Variants in CA4 observed in about 807,000 individuals in gnomAD.
CA4 encodes carbonic anhydrase 4, also known as CA-IV.
Under a neutral mutation model 34.5 loss-of-function variants are expected in CA4, and 24 were observed. The ratio of observed to expected loss-of-function variants is 0.70; its 90% CI spans 0.50 to 0.98. The LOEUF (loss-of-function observed/expected upper bound fraction) is 0.98, where lower values mean the gene tolerates loss of function less well. CA4 is among the 50% of genes least tolerant of loss of function. CA4 has a pLI of 0.00. For synonymous variants in CA4, 178 were observed against 170.6 expected (o/e 1.04, Z -0.34); for missense variants, 394 against 396.7 (o/e 0.99, Z 0.06).
Position 60,150,049 on chromosome 17 carries a change from G to T in CA4, c.15G>T (p.Leu5=), listed in dbSNP as rs1222308625. The T allele has an allele frequency of 6.2e-7, 1 of 1,601,964 alleles. No individual in the cohort carries two copies. The highest frequency in any genetic ancestry group is 8.5e-7 in the Non-Finnish European group (1 of 1,179,158). ...TGTCCCGCAAGATGCGGATGCTGCT[G>T]GCGCTCCTGGCCCTCTCCGCGGCGC... MRML[L]ALLALSAARP... The change falls in exon 1 of 8, where the codon CTG becomes CTT. Residue 5 remains leucine, a synonymous_variant. Transcript: ENST00000300900.
Position 60,157,764 on chromosome 17 carries a change from T to G in CA4, c.489T>G (p.Ile163Met). ...VKEAQDPEDE[I>M]AVLAFLVEAG... ...AGGCCCAGGACCCTGAAGACGAAAT[T>G]GCGGTGCTGGCCTTTCTGGTGGAGG... Residue 163 changes from isoleucine to methionine, a missense_variant, in exon 5 of 8, where the codon ATT (isoleucine) becomes ATG (methionine). Transcript: ENST00000300900. The G allele has an allele frequency of 6.2e-7, 1 of 1,613,902 alleles. No individual in the cohort carries two copies. The highest frequency in any genetic ancestry group is 8.5e-7 in the Non-Finnish European group (1 of 1,179,762).
downstream of CA4, among the ~76,000 whole-genome samples, chr17:60,164,304 T>C (rs2145297907): frequency 6.6e-6 from 1 of 150,612 alleles, no homozygotes; most frequent in Admixed American, 6.6e-5. Flanking sequence ...TTCTTTTTCT[T>C]TCTCTTTCTT....
intron 6 of CA4, 73 bp downstream of exon 6, chr17:60,158,200 C>G: frequency 6.2e-7 from 1 of 1,601,242 alleles, no homozygotes; most frequent in Admixed American, 1.7e-5. Flanking sequence ...GGTGGGTGTG[C>G]GGGGAGCTGG....
At chr17:60,155,447 G>A (rs2083661690) in intron 2 of CA4, 80 bp downstream of exon 2, 1 of 1,128,670 alleles carries the variant, frequency 8.9e-7, no homozygotes, top group African/African-American at 1.6e-5. Context: ...CCGGAAGAGT[G>A]GGAAGGGGAG....
downstream of CA4, among the ~76,000 whole-genome samples, chr17:60,161,414 C>A (rs966353776): frequency 6.6e-6 from 1 of 152,084 alleles, no homozygotes; most frequent in Non-Finnish European, 1.5e-5. Flanking sequence ...GTGAATGGGG[C>A]ACCCAGGTTT....
At chr17:60,155,211 G>A in intron 1 of CA4, 103 bp from the exon 2 acceptor site, 3 of 1,057,880 alleles carry the variant, frequency 2.8e-6, no homozygotes, top group African/African-American at 3.2e-5. Context: ...CCCAGCCCAA[G>A]AGGGGCTCCA....
the CA4 span, among the ~76,000 whole-genome samples, chr17:60,175,961 C>A: frequency 4.3e-4 from 66 of 151,906 alleles, no homozygotes; most frequent in Admixed American, 4.3e-3. Context: ...GGATTACAGG[C>A]ATGTACCACC....
downstream of CA4, among the ~76,000 whole-genome samples, chr17:60,160,398 A>G (rs893382163): frequency 6.6e-6 from 1 of 152,192 alleles, no homozygotes; most frequent in African/African-American, 2.4e-5. Flanking sequence ...TCTAGTGGAG[A>G]GACAGCCCAT....
chr17:60,154,974 T>C (rs1371747622), intron 1 of CA4, among the ~76,000 whole-genome samples: 1 of 151,756 alleles, frequency 6.6e-6, no homozygotes, highest in Non-Finnish European at 1.5e-5. Context: ...GTGGGGGAGG[T>C]AAGCGCGGAG....
rs369230438 is a variant in CA4 at position 60,166,077 on chromosome 17, C to T, written c.*179-4474C>T. On this transcript the variant is annotated intron_variant and NMD_transcript_variant, in intron 5 of 5. Coordinates refer to the CA4 transcript ENST00000586876. ...CTTCCTCCTCCCGGTCACCTCCCTCCCTAATGGGGCACACCTTCTAGTAAC... is the reference window on the plus strand; with the variant it reads ...CTTCCTCCTCCCGGTCACCTCCCTCTCTAATGGGGCACACCTTCTAGTAAC... 1.3e-3 allele frequency among the ~76,000 whole-genome samples: 197 copies of T among 152,308 alleles called. 3 individuals carry two copies. The South Asian group carries it at 0.021, about 16-fold the overall frequency.
chr17:60,154,262 G>A (rs1322946136), intron 1 of CA4, among the ~76,000 whole-genome samples: 2 of 140,630 alleles, frequency 1.4e-5, no homozygotes, highest in Non-Finnish European at 3.1e-5. Flanking sequence ...GGGTGGGGGG[G>A]AGGGAAGGAG....
chr17:60,176,942 C>G, the CA4 span, among the ~76,000 whole-genome samples: 1 of 152,222 alleles, frequency 6.6e-6, no homozygotes, highest in South Asian at 2.1e-4. Context: ...GCTGATCTAA[C>G]AGAGGCAGAG....
In CA4 at chr17:60,165,631, T is replaced by A. The variant is rs78039751; in HGVS notation, c.*179-4920T>A. ...CAGGAGCCGTGGGATTACACACATGTCCATCTCTCTGCTTCTGGCTCTGTC... is the reference window on the plus strand; with the variant it reads ...CAGGAGCCGTGGGATTACACACATGACCATCTCTCTGCTTCTGGCTCTGTC... On this transcript the variant is annotated intron_variant and NMD_transcript_variant, in intron 5 of 5. Coordinates refer to the CA4 transcript ENST00000586876. Among the ~76,000 whole-genome samples the A allele has an allele frequency of 9.5e-3, 1,447 of 152,082 alleles. 32 individuals are homozygous for A. The highest frequency in any genetic ancestry group is 0.034 in the African/African-American group (1,391 of 41,502).
downstream of CA4, among the ~76,000 whole-genome samples, chr17:60,174,144 G>T (rs1369827784): frequency 1.3e-5 from 2 of 151,470 alleles, no homozygotes; most frequent in African/African-American, 4.9e-5. Flanking sequence ...AAATGAAGTG[G>T]TATTTTCACT....
At chr17:60,170,292 G>A (rs2083901139) in intron 5 of CA4, among the ~76,000 whole-genome samples, 2 of 152,226 alleles carry the variant, frequency 1.3e-5, no homozygotes, top group South Asian at 4.1e-4. Flanking sequence ...CGGTCTGGCA[G>A]GGGGCCAGTG....
intron 3 of CA4, 150 bp downstream of exon 3, chr17:60,156,865 G>C: frequency 1.3e-6 from 1 of 743,892 alleles, no homozygotes; most frequent in South Asian, 1.5e-5. Context: ...CAGCTTCCAG[G>C]AGGAGAGAGC....
At chr17:60,161,784 C>T (rs576440563), downstream of CA4, among the ~76,000 whole-genome samples, 200 of 152,232 alleles carry the variant, frequency 1.3e-3, no homozygotes, top group African/African-American at 4.7e-3. Context: ...ATGGCAACCG[C>T]AGGCCGCCTG....
At chr17:60,162,758 T>A (rs149937069), downstream of CA4, among the ~76,000 whole-genome samples, 2 of 152,042 alleles carry the variant, frequency 1.3e-5, no homozygotes, top group African/African-American at 2.4e-5. Context: ...TGCAATCCCA[T>A]TGGGGTGGTG....
At chr17:60,158,711 G>A (rs1000002338) in intron 7 of CA4, 3 of 544,640 alleles carry the variant, frequency 5.5e-6, no homozygotes, top group Admixed American at 6.2e-5. Flanking sequence ...AGGCTCTGGG[G>A]AGACAGCAGT....
Sources: gnomAD v4.1 joint callset for allele counts (sites outside exome capture counted in the v4.1 genomes callset) on GRCh38, gnomAD v4.1.1 for gene constraint, MANE v1.5 for transcripts, NCBI Gene and HGNC (gene_info 2026-07-23, HGNC 2026-07-21) for gene names.